GLRA3: variants seen among roughly 807,000 people sequenced by gnomAD.
GLRA3 encodes glycine receptor subunit alpha-3.
Under a neutral mutation model 60.4 loss-of-function variants are expected in GLRA3, and 44 were observed. The observed-to-expected ratio is 0.73, with a 90% CI of 0.57 to 0.94. The LOEUF (loss-of-function observed/expected upper bound fraction) is 0.94. Ranked by LOEUF, GLRA3 falls within the 40% of genes least tolerant of loss-of-function variation. The pLI, the probability that GLRA3 is intolerant of heterozygous loss-of-function variation, is 0.00. For synonymous variants in GLRA3, 223 were observed against 192.9 expected (o/e 1.16, Z -1.29); for missense variants, 508 against 564.6 (o/e 0.90, Z 1.02).
intron 6 of GLRA3, among the ~76,000 whole-genome samples, chr4:174,679,005 A>G (rs567194582): frequency 6.6e-6 from 1 of 152,158 alleles, no homozygotes; most frequent in Non-Finnish European, 1.5e-5. Context: ...GTTTTTATTT[A>G]AAAAGAGTGT....
At chr4:174,779,696 T>C (rs1369766584) in intron 2 of GLRA3, among the ~76,000 whole-genome samples, 1 of 151,896 alleles carries the variant, frequency 6.6e-6, no homozygotes, top group Non-Finnish European at 1.5e-5. Flanking sequence ...TGCGATCAAC[T>C]GGAAGAAAGG....
At chr4:174,749,498 C>T (rs974767273) in intron 3 of GLRA3, among the ~76,000 whole-genome samples, 1 of 152,190 alleles carries the variant, frequency 6.6e-6, no homozygotes, top group South Asian at 2.1e-4. Context: ...AAACCAGTGG[C>T]AAAATCAGTT....
intron 9 of GLRA3, among the ~76,000 whole-genome samples, chr4:174,653,572 A>C (rs1266250198): frequency 6.6e-6 from 1 of 151,954 alleles, no homozygotes; most frequent in Non-Finnish European, 1.5e-5. Flanking sequence ...GGACATTGAT[A>C]AATGGTAAAA....
intron 1 of GLRA3, among the ~76,000 whole-genome samples, chr4:174,798,349 G>A (rs1193872995): frequency 6.6e-6 from 1 of 152,100 alleles, no homozygotes; most frequent in Non-Finnish European, 1.5e-5. Flanking sequence ...TTTCTAATTT[G>A]TAAGTAACAT....
At chr4:174,783,491 C>A (rs2111287323) in intron 2 of GLRA3, among the ~76,000 whole-genome samples, 1 of 137,944 alleles carries the variant, frequency 7.2e-6, no homozygotes, top group Non-Finnish European at 1.6e-5. Flanking sequence ...AACTAAAGAG[C>A]TTCTGCACAG....
chr4:174,778,461 A>AG (rs1233731516), intron 2 of GLRA3, among the ~76,000 whole-genome samples: 2 of 152,054 alleles, frequency 1.3e-5, no homozygotes, highest in African/African-American at 2.4e-5. Context: ...AAAAAAACAC[A>AG]GGGGGGATGA....
chr4:174,715,240 A>G (rs1735870629), intron 5 of GLRA3, among the ~76,000 whole-genome samples: 1 of 152,236 alleles, frequency 6.6e-6, no homozygotes, highest in South Asian at 2.1e-4. Flanking sequence ...ATGTGTATGG[A>G]AACACATATC....
intron 1 of GLRA3, among the ~76,000 whole-genome samples, chr4:174,790,523 A>AGC (rs34315511): frequency 0.73 from 110,044 of 151,658 alleles, 40,148 homozygotes; most frequent in East Asian, 0.99. Context: ...GCATCGTTGG[A>AGC]TTTTGTAGCT....
At chr4:174,752,649 C>T (rs1737535889) in intron 3 of GLRA3, among the ~76,000 whole-genome samples, 1 of 152,082 alleles carries the variant, frequency 6.6e-6, no homozygotes, top group East Asian at 1.9e-4. Context: ...AGGAAGCACT[C>T]CCAAATGTCT....
chr4:174,694,771 C>T (rs915461361), intron 5 of GLRA3, among the ~76,000 whole-genome samples: 4 of 151,770 alleles, frequency 2.6e-5, no homozygotes, highest in African/African-American at 4.8e-5. Context: ...CACAAAAAAG[C>T]CATTCGAAAG....
intron 1 of GLRA3, among the ~76,000 whole-genome samples, chr4:174,809,281 G>C (rs540107084): frequency 7.9e-5 from 12 of 152,256 alleles, no homozygotes; most frequent in Non-Finnish European, 1.5e-4. Flanking sequence ...ACATAGCCTT[G>C]GTGTGCAGTA....
intron 7 of GLRA3, among the ~76,000 whole-genome samples, chr4:174,667,586 G>C (rs892250966): frequency 6.6e-6 from 1 of 152,138 alleles, no homozygotes; most frequent in Non-Finnish European, 1.5e-5. Flanking sequence ...GTACAAAAAA[G>C]TAGAGTCCAG....
At chr4:174,817,304 C>A (rs1016819301) in intron 1 of GLRA3, among the ~76,000 whole-genome samples, 3 of 152,172 alleles carry the variant, frequency 2.0e-5, no homozygotes, top group African/African-American at 7.2e-5. Context: ...AAGAAGCAAT[C>A]CCGCGTTAAG....
At chr4:174,719,104 C>T (rs1264732452) in intron 4 of GLRA3, among the ~76,000 whole-genome samples, 1 of 151,592 alleles carries the variant, frequency 6.6e-6, no homozygotes, top group Admixed American at 6.6e-5. Context: ...GCTGGGACTA[C>T]AGGCGCCCGC....
At chr4:174,717,882 C>A (rs1735984270) in intron 4 of GLRA3, among the ~76,000 whole-genome samples, 1 of 152,146 alleles carries the variant, frequency 6.6e-6, no homozygotes, top group Non-Finnish European at 1.5e-5. Flanking sequence ...TCTCAGACAG[C>A]CAGTTTCAAA....
At chr4:174,828,693 T>C (rs1560824594) in intron 1 of GLRA3, 48 bp downstream of exon 1, 5 of 1,178,924 alleles carry the variant, frequency 4.2e-6, no homozygotes, top group Middle Eastern at 1.9e-4. Flanking sequence ...TGCAACGTAA[T>C]GCACAGGCTT....
Position 174,637,581 on chromosome 4 carries a change from C to T in GLRA3, c.*6205G>A, listed in dbSNP as rs1166752488. ...CCAGGCTGGATACTGTGTATGTGAG[C>T]GGGGTTGCCCAAAGGCGCCATTGCT... On this transcript the variant is annotated 3_prime_UTR_variant, in exon 10 of 10. Transcript: ENST00000274093. 2 of 152,110 alleles carry T rather than the reference C, an allele frequency of 1.3e-5. No individual in the cohort carries two copies. The highest frequency in any genetic ancestry group is 4.8e-5 in the African/African-American group (2 of 41,432). The allele number at this position is 152,110 out of a possible 1,614,324, so 9.4% of individuals were successfully genotyped here.
intron 5 of GLRA3, among the ~76,000 whole-genome samples, chr4:174,705,664 A>AAAT (rs1455848894): frequency 1.5e-5 from 2 of 130,030 alleles, no homozygotes; most frequent in African/African-American, 5.2e-5. Flanking sequence ...TCTTTGGGTG[A>AAAT]AATATGGCTA....
chr4:174,684,208 A>T (rs1734466265), intron 5 of GLRA3, among the ~76,000 whole-genome samples: 1 of 152,150 alleles, frequency 6.6e-6, no homozygotes, highest in African/African-American at 2.4e-5. Flanking sequence ...TTTAAAAAAA[A>T]GTATATTTTC....
Sources: gnomAD v4.1 joint callset for allele counts (sites outside exome capture counted in the v4.1 genomes callset) on GRCh38, gnomAD v4.1.1 for gene constraint, MANE v1.5 for transcripts, NCBI Gene and HGNC (gene_info 2026-07-23, HGNC 2026-07-21) for gene names.